The following EPHB2 variants were observed in gnomAD, a reference collection of about 807,000 sequenced individuals.
EPHB2 encodes the protein EPH receptor B2.
In EPHB2, 18 loss-of-function variants were observed where a neutral mutation model predicts 96.4. The ratio of observed to expected loss-of-function variants is 0.19; its 90% CI spans 0.13 to 0.28. The LOEUF is 0.28. Among genes scored for constraint, EPHB2 ranks in the 10% least tolerant of loss-of-function variants. The pLI, the probability that EPHB2 is intolerant of heterozygous loss-of-function variation, is 1.00. For missense variants in EPHB2, 989 were observed against 1,355.4 expected (o/e 0.73, Z 4.25); for synonymous variants, 506 against 534.1 (o/e 0.95, Z 0.72).
intron 1 of EPHB2, among the ~76,000 whole-genome samples, chr1:22,774,943 A>G (rs889945913): frequency 2.3e-4 from 35 of 152,152 alleles, no homozygotes; most frequent in African/African-American, 7.5e-4. Flanking sequence ...CAGATGTGGA[A>G]ACTGAGGCCC....
chr1:22,878,092 G>T (rs978993972), intron 5 of EPHB2, among the ~76,000 whole-genome samples: 1 of 152,240 alleles, frequency 6.6e-6, no homozygotes, highest in Admixed American at 6.5e-5. Flanking sequence ...ATCCCAGAGG[G>T]TGATGTGAAC....
At chr1:22,728,532 G>A (rs1284905192) in intron 1 of EPHB2, among the ~76,000 whole-genome samples, 1 of 152,214 alleles carries the variant, frequency 6.6e-6, no homozygotes, top group Non-Finnish European at 1.5e-5. Flanking sequence ...GTGCTTCTGG[G>A]AACTATTGTG....
intron 1 of EPHB2, among the ~76,000 whole-genome samples, chr1:22,751,510 A>G (rs1056849488): frequency 1.3e-5 from 2 of 152,216 alleles, no homozygotes; most frequent in Non-Finnish European, 2.9e-5. Flanking sequence ...AAGTCTCAAC[A>G]GAGCCTGAGT....
chr1:22,759,419 C>T (rs1438606894), intron 1 of EPHB2, among the ~76,000 whole-genome samples: 2 of 152,070 alleles, frequency 1.3e-5, no homozygotes, highest in African/African-American at 2.4e-5. Context: ...TCTGTTTGCC[C>T]CGGGCCATTC....
chr1:22,895,279 T>C (rs567882910), intron 7 of EPHB2, among the ~76,000 whole-genome samples, 193 bp from the exon 8 acceptor site: 1 of 152,364 alleles, frequency 6.6e-6, no homozygotes, highest in East Asian at 1.9e-4. Flanking sequence ...GAGCAGTTCA[T>C]GGACTTGTCC....
chr1:22,783,592 G>T (rs1425449965), intron 2 of EPHB2, among the ~76,000 whole-genome samples: 1 of 152,222 alleles, frequency 6.6e-6, no homozygotes, highest in Non-Finnish European at 1.5e-5. Context: ...GCACAGAAGT[G>T]TGCAAAAGAC....
At chr1:22,831,162 A>G (rs1645298157) in intron 3 of EPHB2, among the ~76,000 whole-genome samples, 1 of 152,074 alleles carries the variant, frequency 6.6e-6, no homozygotes, top group Admixed American at 6.5e-5. Flanking sequence ...CAGCCTGTAC[A>G]CTTTGAAGAA....
At chr1:22,890,948 T>C (rs1425113640) in intron 6 of EPHB2, among the ~76,000 whole-genome samples, 1 of 152,190 alleles carries the variant, frequency 6.6e-6, no homozygotes, top group Non-Finnish European at 1.5e-5. Flanking sequence ...ATAAATTACC[T>C]AGTCTTGGGT....
At chr1:22,792,999 T>G (rs972694979) in intron 3 of EPHB2, among the ~76,000 whole-genome samples, 5 of 151,502 alleles carry the variant, frequency 3.3e-5, no homozygotes, top group African/African-American at 1.2e-4. Context: ...GGAGCAAGAG[T>G]TAGGCAGGTG....
intron 3 of EPHB2, among the ~76,000 whole-genome samples, chr1:22,835,479 T>C (rs1465173123): frequency 4.6e-5 from 7 of 152,222 alleles, no homozygotes. Context: ...TGCACATATG[T>C]TTGCATATGG....
intron 3 of EPHB2, among the ~76,000 whole-genome samples, chr1:22,839,858 G>A (rs1170481866): frequency 2.0e-5 from 3 of 152,122 alleles, no homozygotes; most frequent in East Asian, 1.9e-4. Flanking sequence ...TGAACTAGAC[G>A]GTCAAGCCCC....
chr1:22,880,440 G>A (rs192278543), intron 5 of EPHB2, among the ~76,000 whole-genome samples: 16 of 152,308 alleles, frequency 1.1e-4, no homozygotes, highest in South Asian at 1.0e-3. Context: ...TCACAGACCC[G>A]CCCAGGAATG....
chr1:22,726,402 T>C (rs1377856257), intron 1 of EPHB2, among the ~76,000 whole-genome samples: 2 of 142,770 alleles, frequency 1.4e-5, no homozygotes, highest in East Asian at 2.3e-4. Context: ...CCCTGCATAA[T>C]AGTTTCTTTT....
chr1:22,768,172 G>A (rs1644332026), intron 1 of EPHB2, among the ~76,000 whole-genome samples: 1 of 152,188 alleles, frequency 6.6e-6, no homozygotes, highest in South Asian at 2.1e-4. Flanking sequence ...CAGAAAGAGC[G>A]AGGGCTTTGG....
chr1:22,788,763 T>G (rs1278094752), intron 3 of EPHB2, among the ~76,000 whole-genome samples: 6 of 151,124 alleles, frequency 4.0e-5, no homozygotes, highest in East Asian at 1.9e-4. Flanking sequence ...GTTTTTTTTT[T>G]TTTTTTTTTG....
In EPHB2 at chr1:22,892,913, A is replaced by T. The variant is rs1639438229; in HGVS notation, c.1458A>T (p.Ile486=). 6.2e-7 allele frequency: 1 copy of T among 1,614,218 alleles called. No individual in the cohort carries two copies. Among genetic ancestry groups the T allele is most frequent in the Non-Finnish European group, 8.5e-7 (1 of 1,180,028 alleles). Residue 486 remains isoleucine (I), a synonymous_variant, in exon 7 of 16, where the codon ATA becomes ATT. Coordinates refer to ENST00000374630, the MANE Select transcript of EPHB2 (RefSeq NM_017449.5). ...TCAGTGAGTACAACGCCACAGCCAT[A>T]AAAAGCCCCACCAACACGGTCACCG... ...KELSEYNATA[I]KSPTNTVTVQ...
chr1:22,724,222 C>T (rs1028711203), intron 1 of EPHB2, among the ~76,000 whole-genome samples: 4 of 152,194 alleles, frequency 2.6e-5, no homozygotes, highest in South Asian at 2.1e-4. Flanking sequence ...CCTCTGCTCC[C>T]CTTTCCCCCT....
rs143747566 is a variant in EPHB2 at position 22,785,551 on chromosome 1, C to G, written c.811+475C>G. On this transcript the variant is annotated intron_variant, in intron 3 of 15. Transcript: ENST00000374630. ...TATTTCTCCCCTTAATGCTCCATGT[C>G]CATTGTGGATCAGCTTGGGACTCCT... Among the ~76,000 whole-genome samples the G allele has an allele frequency of 7.3e-3, 1,109 of 152,370 alleles. 13 individuals are homozygous for G. Among genetic ancestry groups the G allele is most frequent in the African/African-American group, 0.025 (1,054 of 41,590 alleles).
chr1:22,856,361 T>C (rs949830979), intron 3 of EPHB2, among the ~76,000 whole-genome samples: 8 of 152,198 alleles, frequency 5.3e-5, no homozygotes, highest in Non-Finnish European at 1.0e-4. Context: ...TTTCTTCGGC[T>C]TGCTGCCATC....
Sources: allele counts gnomAD v4.1 joint callset (sites outside exome capture counted in the v4.1 genomes callset), GRCh38; gene constraint gnomAD v4.1.1; transcripts MANE v1.5; gene names NCBI Gene and HGNC (gene_info 2026-07-23, HGNC 2026-07-21).